Variants in ELOVL6 observed in about 807,000 individuals in gnomAD.
ELOVL6 encodes ELOVL fatty acid elongase 6.
Under a neutral mutation model 31.7 loss-of-function variants are expected in ELOVL6, and 8 were observed. That is an observed-to-expected ratio of 0.25 (90% CI 0.15 to 0.45). ELOVL6 has a LOEUF of 0.45. ELOVL6 is among the 20% of genes least tolerant of loss of function. The pLI is 1.00. For missense variants in ELOVL6, 126 were observed against 326.4 expected (o/e 0.39, Z 4.73); for synonymous variants, 101 against 117.7 (o/e 0.86, Z 0.92).
chr4:110,145,828 T>C (rs772624997), intron 1 of ELOVL6, among the ~76,000 whole-genome samples: 9 of 152,170 alleles, frequency 5.9e-5, no homozygotes, highest in Non-Finnish European at 1.2e-4. Context: ...CAAATTTCCT[T>C]GCATGGTTTG....
At chr4:110,085,514 A>C (rs879452784) in intron 2 of ELOVL6, among the ~76,000 whole-genome samples, 4 of 152,222 alleles carry the variant, frequency 2.6e-5, no homozygotes, top group Non-Finnish European at 4.4e-5. Flanking sequence ...GAAACACAGC[A>C]TGTATTGAAC....
intron 1 of ELOVL6, among the ~76,000 whole-genome samples, chr4:110,136,515 G>A (rs984487496): frequency 2.2e-4 from 33 of 152,140 alleles, no homozygotes; most frequent in Non-Finnish European, 1.5e-4. Flanking sequence ...GGAGCAATCA[G>A]CACTTCCTTA....
chr4:110,084,166 G>T (rs1358937277), intron 2 of ELOVL6, among the ~76,000 whole-genome samples: 3 of 33,158 alleles, frequency 9.0e-5, no homozygotes, highest in African/African-American at 6.9e-4. Flanking sequence ...ACATATATGT[G>T]ATATATATGA....
chr4:110,171,556 C>T (rs1444634841), intron 1 of ELOVL6, among the ~76,000 whole-genome samples: 1 of 151,884 alleles, frequency 6.6e-6, no homozygotes. Context: ...GGAGAATTTC[C>T]AGATAGCTGA....
chr4:110,096,943 AAACTGAACAGGAT>A (rs1276427154), intron 2 of ELOVL6, among the ~76,000 whole-genome samples: 4 of 152,162 alleles, frequency 2.6e-5, no homozygotes, highest in Non-Finnish European at 4.4e-5. Flanking sequence ...GATAATAACA[AAACTGAACAGGAT>A]AACTGAACAG....
At chr4:110,134,274 T>C (rs1026661993) in intron 1 of ELOVL6, among the ~76,000 whole-genome samples, 1 of 152,158 alleles carries the variant, frequency 6.6e-6, no homozygotes, top group East Asian at 1.9e-4. Flanking sequence ...GACTGCATAA[T>C]TGATGTCTGT....
chr4:110,181,088 T>C (rs912539104), intron 1 of ELOVL6, among the ~76,000 whole-genome samples: 2 of 151,118 alleles, frequency 1.3e-5, no homozygotes, highest in African/African-American at 4.9e-5. Context: ...CAGTGAGCTA[T>C]GATTGTGCCA....
intron 1 of ELOVL6, among the ~76,000 whole-genome samples, chr4:110,152,217 G>A (rs556511086): frequency 7.9e-5 from 12 of 152,240 alleles, no homozygotes; most frequent in African/African-American, 2.9e-4. Context: ...TATCAAGAGG[G>A]CATACCTTAT....
chr4:110,100,014 C>T (rs1259899410), intron 2 of ELOVL6, among the ~76,000 whole-genome samples: 3 of 152,128 alleles, frequency 2.0e-5, no homozygotes, highest in Non-Finnish European at 4.4e-5. Context: ...TCAGCATTTA[C>T]CCTAAGGAAA....
chr4:110,189,802 A>G (rs1007247066), intron 1 of ELOVL6, among the ~76,000 whole-genome samples: 14 of 151,186 alleles, frequency 9.3e-5, no homozygotes, highest in Non-Finnish European at 1.6e-4. Context: ...CCCCGTCTCT[A>G]CTAAAAATAG....
At chr4:110,142,335 G>A (rs190996935) in intron 1 of ELOVL6, among the ~76,000 whole-genome samples, 46 of 151,722 alleles carry the variant, frequency 3.0e-4, no homozygotes, top group Middle Eastern at 6.8e-3. Context: ...ATAAGCCACC[G>A]CACCCGGCCA....
chr4:110,121,517 T>C (rs28606655), intron 1 of ELOVL6, among the ~76,000 whole-genome samples: 1,527 of 152,264 alleles, frequency 0.01, 30 homozygotes, highest in African/African-American at 0.034. Flanking sequence ...GCTAACACGG[T>C]GAAACCCCGT....
At chr4:110,195,716 C>T (rs1759753871) in intron 1 of ELOVL6, among the ~76,000 whole-genome samples, 1 of 152,098 alleles carries the variant, frequency 6.6e-6, no homozygotes, top group African/African-American at 2.4e-5. Flanking sequence ...CAAGTTCTAG[C>T]CTGTTAACCT....
chr4:110,087,939 G>T (rs1268966500), intron 2 of ELOVL6, among the ~76,000 whole-genome samples: 10 of 152,106 alleles, frequency 6.6e-5, no homozygotes, highest in African/African-American at 2.4e-4. Flanking sequence ...ATTTGGCTCT[G>T]TCTTTTCTTT....
intron 3 of ELOVL6, among the ~76,000 whole-genome samples, chr4:110,058,785 A>C (rs1173723910): frequency 1.3e-5 from 2 of 152,126 alleles, no homozygotes; most frequent in African/African-American, 2.4e-5. Flanking sequence ...GTGAAAAAAA[A>C]CCCAGAACCC....
intron 2 of ELOVL6, among the ~76,000 whole-genome samples, chr4:110,084,523 T>C (rs1183901034): frequency 1.1e-5 from 1 of 91,044 alleles, no homozygotes; most frequent in Non-Finnish European, 2.1e-5. Flanking sequence ...GTATACATTA[T>C]ATACACTTAC....
intron 1 of ELOVL6, among the ~76,000 whole-genome samples, chr4:110,113,513 C>T (rs953173092): frequency 6.7e-6 from 1 of 149,756 alleles, no homozygotes; most frequent in Non-Finnish European, 1.5e-5. Context: ...TAGGAGGTTG[C>T]GGCTGCAGTG....
intron 1 of ELOVL6, among the ~76,000 whole-genome samples, chr4:110,145,437 G>A (rs1289364289): frequency 6.6e-6 from 1 of 152,160 alleles, no homozygotes; most frequent in Admixed American, 6.5e-5. Context: ...TTCCCAAACT[G>A]AGCAGTTCCC....
At chr4:110,186,666 TGGTGGCAC>T (rs139578167) in intron 1 of ELOVL6, among the ~76,000 whole-genome samples, 1,789 of 151,264 alleles carry the variant, frequency 0.012, 30 homozygotes, top group African/African-American at 0.042. Flanking sequence ...GAGTCGGGCA[TGGTGGCAC>T]GTGCCTGTAA....
Sources: gnomAD v4.1 joint callset for allele counts (sites outside exome capture counted in the v4.1 genomes callset) on GRCh38, gnomAD v4.1.1 for gene constraint, MANE v1.5 for transcripts, NCBI Gene and HGNC (gene_info 2026-07-23, HGNC 2026-07-21) for gene names.